The following FARSB variants were observed in gnomAD, a reference collection of about 807,000 sequenced individuals.
FARSB encodes phenylalanyl-tRNA synthetase subunit beta.
Under a neutral mutation model 69.6 loss-of-function variants are expected in FARSB, and 40 were observed. That is an observed-to-expected ratio of 0.57 (90% CI 0.45 to 0.75). The LOEUF is 0.75. FARSB is among the 30% of genes least tolerant of loss of function. FARSB has a pLI of 0.00. For synonymous variants in FARSB, 235 were observed against 247.2 expected (o/e 0.95, Z 0.46); for missense variants, 632 against 722.9 (o/e 0.87, Z 1.44).
chr2:222,655,671 G>C (rs910646842), intron 1 of FARSB, among the ~76,000 whole-genome samples: 2 of 152,242 alleles, frequency 1.3e-5, no homozygotes, highest in Non-Finnish European at 2.9e-5. Flanking sequence ...CCACAGCGCT[G>C]CTATTGCAAT....
At chr2:222,639,775 T>A in intron 4 of FARSB, 80 bp from the exon 5 acceptor site, 1 of 526,796 alleles carries the variant, frequency 1.9e-6, no homozygotes, top group East Asian at 3.1e-5. Context: ...GGTAGCTGCA[T>A]TCTTGCCACT....
intron 16 of FARSB, among the ~76,000 whole-genome samples, chr2:222,583,020 C>A (rs1456785656): frequency 6.6e-6 from 1 of 151,682 alleles, no homozygotes; most frequent in Non-Finnish European, 1.5e-5. Context: ...GAACAGAAAA[C>A]CAAACACTGC....
At chr2:222,622,818 T>C (rs560377854) in intron 13 of FARSB, among the ~76,000 whole-genome samples, 19 of 152,336 alleles carry the variant, frequency 1.2e-4, no homozygotes, top group Admixed American at 5.9e-4. Context: ...TCAGGCTTCC[T>C]CATTGGTGCA....
chr2:222,606,370 A>G (rs986160303), intron 15 of FARSB, among the ~76,000 whole-genome samples: 1 of 152,206 alleles, frequency 6.6e-6, no homozygotes, highest in Non-Finnish European at 1.5e-5. Context: ...TAGAAAGTCC[A>G]CTGACTACAC....
At chr2:222,653,495 C>G (rs1692089359) in intron 1 of FARSB, among the ~76,000 whole-genome samples, 1 of 151,698 alleles carries the variant, frequency 6.6e-6, no homozygotes, top group Non-Finnish European at 1.5e-5. Context: ...GTTTGCTGAA[C>G]ATGCTTTTTC....
At chr2:222,647,078 G>C (rs1691884831) in intron 2 of FARSB, among the ~76,000 whole-genome samples, 1 of 152,164 alleles carries the variant, frequency 6.6e-6, no homozygotes. Context: ...TTCTTAGCTG[G>C]AGTTGCTTAG....
chr2:222,640,378 T>C (rs1012174814), intron 4 of FARSB, among the ~76,000 whole-genome samples: 1 of 150,672 alleles, frequency 6.6e-6, no homozygotes, highest in Non-Finnish European at 1.5e-5. Flanking sequence ...TACTCCCAAA[T>C]ACTCAAGAAG....
Position 222,619,711 on chromosome 2 carries a change from T to C in FARSB, c.1278A>G (p.Lys426=), listed in dbSNP as rs142144183. Residue 426 remains lysine, a synonymous_variant, in exon 14 of 17, where the codon AAA becomes AAG. Transcript: ENST00000281828. The part of the protein sequence containing the change: ...ALCSQEDIAD[K]LGVDISATKA... ...TTGTTGCAGAGATATCCACACCTAGTTTATCAGCAATATCTTCTTGGGAGC... is the reference window on the plus strand; with the variant it reads ...TTGTTGCAGAGATATCCACACCTAGCTTATCAGCAATATCTTCTTGGGAGC... 4 of 1,602,242 alleles carry C rather than the reference T, an allele frequency of 2.5e-6. No homozygotes were observed. The African/African-American group carries it at 5.4e-5, about 21-fold the overall frequency.
At chr2:222,592,673 G>A (rs1559194030) in intron 16 of FARSB, among the ~76,000 whole-genome samples, 2 of 149,798 alleles carry the variant, frequency 1.3e-5, no homozygotes, top group African/African-American at 4.9e-5. Context: ...TGGAGGCCAA[G>A]ATCTAGTATG....
chr2:222,600,090 A>G lies in FARSB; in HGVS notation c.1463-7T>C. 1.2e-6 allele frequency: 2 copies of G among 1,602,554 alleles called. No homozygotes were observed. The highest frequency in any genetic ancestry group is 1.7e-6 in the Non-Finnish European group (2 of 1,176,800). ...TAGTTTTTTGCACCTACATCTAGAA[A>G]AATAAAGGAACTGGTCACAACGCTG... On this transcript the variant is annotated splice_region_variant and splice_polypyrimidine_tract_variant and intron_variant, in intron 15 of 16. Coordinates refer to ENST00000281828, the MANE Select transcript of FARSB (RefSeq NM_005687.5).
At chr2:222,650,674 C>T (rs1343820227) in intron 1 of FARSB, among the ~76,000 whole-genome samples, 1 of 152,090 alleles carries the variant, frequency 6.6e-6, no homozygotes, top group Non-Finnish European at 1.5e-5. Flanking sequence ...ATCCCTGCCT[C>T]CTTGTATTCA....
rs1316713409 is a variant in FARSB at position 222,655,775 on chromosome 2, G to A, written c.58+241C>T. On this transcript the variant is annotated intron_variant, in intron 1 of 16. Coordinates refer to ENST00000281828, the MANE Select transcript of FARSB (RefSeq NM_005687.5). ...GCCAGGCACGCTGTAGGCACTCGAT[G>A]GCAGATCGCTGAATGAATGACACGG... is the stretch of plus-strand genomic sequence containing the variant. 2.0e-5 allele frequency among the ~76,000 whole-genome samples: 3 copies of A among 152,246 alleles called. No individual in the cohort carries two copies. The East Asian group carries it at 5.8e-4, about 29-fold the overall frequency.
chr2:222,575,191 T>C (rs1006586375), intron 16 of FARSB, among the ~76,000 whole-genome samples: 2 of 152,232 alleles, frequency 1.3e-5, no homozygotes, highest in Non-Finnish European at 2.9e-5. Context: ...GGTAGATTAA[T>C]GTGATCATAG....
At chr2:222,596,908 T>G (rs1690432803) in intron 16 of FARSB, among the ~76,000 whole-genome samples, 1 of 152,212 alleles carries the variant, frequency 6.6e-6, no homozygotes, top group African/African-American at 2.4e-5. Context: ...CTTTATACAT[T>G]GTTTTCTTCA....
intron 1 of FARSB, among the ~76,000 whole-genome samples, chr2:222,649,586 C>T (rs998526930): frequency 6.6e-6 from 1 of 152,206 alleles, no homozygotes; most frequent in African/African-American, 2.4e-5. Context: ...TGTAAACTTT[C>T]TTGGTATCTT....
rs1355382560 is a variant in FARSB, at chr2:222,634,441, G to A, written c.556C>T (p.Leu186=). Residue 186 remains leucine, a synonymous_variant, in exon 6 of 17, where the codon CTA becomes TTA. Coordinates refer to ENST00000281828, the MANE Select transcript of FARSB (RefSeq NM_005687.5). ...KRPSDIKFKP[L]NKTKEYTACE... is the part of the protein sequence containing the mutation. ...GCTGTATACTCCTTGGTCTTATTTA[G>A]AGGCTTGAATTTGATATCTGAAGGA... 6.2e-7 allele frequency: 1 copy of A among 1,611,746 alleles called. No homozygotes were observed. The highest frequency in any genetic ancestry group is 8.5e-7 in the Non-Finnish European group (1 of 1,178,288).
intron 15 of FARSB, among the ~76,000 whole-genome samples, chr2:222,607,264 T>C (rs1213989543): frequency 6.6e-6 from 1 of 152,248 alleles, no homozygotes; most frequent in Non-Finnish European, 1.5e-5. Context: ...CACATTTAGA[T>C]GTTTACACCT....
chr2:222,647,418 C>T (rs2106243539), intron 2 of FARSB, among the ~76,000 whole-genome samples: 1 of 152,322 alleles, frequency 6.6e-6, no homozygotes, highest in South Asian at 2.1e-4. Flanking sequence ...GATTCCTCCC[C>T]AGACCTTGAA....
At chr2:222,574,652 C>T (rs974624748) in intron 16 of FARSB, among the ~76,000 whole-genome samples, 1 of 152,186 alleles carries the variant, frequency 6.6e-6, no homozygotes, top group Non-Finnish European at 1.5e-5. Flanking sequence ...AAATGAAGCC[C>T]AGTCATAAGA....
Sources: allele counts gnomAD v4.1 joint callset (sites outside exome capture counted in the v4.1 genomes callset), GRCh38; gene constraint gnomAD v4.1.1; transcripts MANE v1.5; gene names NCBI Gene and HGNC (gene_info 2026-07-23, HGNC 2026-07-21).